The following PICALM variants were observed in gnomAD, a reference collection of about 807,000 sequenced individuals.
PICALM encodes the protein phosphatidylinositol binding clathrin assembly protein.
Under a neutral mutation model 80.5 loss-of-function variants are expected in PICALM, and 40 were observed. That is an observed-to-expected ratio of 0.50 (90% CI 0.39 to 0.65). PICALM has a LOEUF of 0.65. Ranked by LOEUF, PICALM falls within the 30% of genes least tolerant of loss-of-function variation. The pLI is 0.00. For missense variants in PICALM, 676 were observed against 778.9 expected, an observed-to-expected ratio of 0.87 and a Z score of 1.57; for synonymous variants, 288 against 260.3, an observed-to-expected ratio of 1.11 and a Z score of -1.02.
In PICALM at chr11:86,004,935, C is replaced by G. The variant is rs569621192; in HGVS notation, c.808-1484G>C. On this transcript the variant is annotated intron_variant, in intron 8 of 19. Transcript: ENST00000393346. ...AGCCCCAGCAAAAATGTTTGCTAAT[C>G]AGCAAGCAAAGCACTGTCTTAAGAG... Among the ~76,000 whole-genome samples the G allele has an allele frequency of 1.3e-4, 20 of 152,302 alleles. No individual in the cohort carries two copies. The East Asian group carries it at 3.5e-3, about 26-fold the overall frequency.
At chr11:86,065,580 G>A (rs922985014) in intron 1 of PICALM, among the ~76,000 whole-genome samples, 6 of 152,206 alleles carry the variant, frequency 3.9e-5, no homozygotes, top group African/African-American at 1.4e-4. Flanking sequence ...AGGATTAAAT[G>A]AGATGATGAG....
intron 18 of PICALM, among the ~76,000 whole-genome samples, chr11:85,975,592 CT>C (rs11407535): frequency 1.1e-4 from 10 of 89,630 alleles, no homozygotes; most frequent in African/African-American, 3.6e-4. Context: ...TCTCAGCAGA[CT>C]TTTTTTTTTT....
chr11:86,043,074 C>T (rs1430915274), intron 1 of PICALM, among the ~76,000 whole-genome samples: 1 of 152,072 alleles, frequency 6.6e-6, no homozygotes, highest in East Asian at 1.9e-4. Flanking sequence ...GATAGCACAC[C>T]CTTTCACTCT....
At chr11:86,000,538 G>T in intron 11 of PICALM, 105 bp downstream of exon 11, 1 of 822,040 alleles carries the variant, frequency 1.2e-6, no homozygotes, top group Non-Finnish European at 1.9e-6. Context: ...TGTGTGAATA[G>T]ATTATAAAAG....
intron 1 of PICALM, 105 bp from the exon 2 acceptor site, chr11:86,031,716 C>A: frequency 1.3e-6 from 1 of 768,734 alleles, no homozygotes; most frequent in South Asian, 1.9e-5. Context: ...CAAAGTGGAG[C>A]AGTAATAGTT....
chr11:86,011,012 C>A lies in PICALM; in HGVS notation c.765+18G>T. 6 of 1,087,876 alleles carry A rather than the reference C, an allele frequency of 5.5e-6. No homozygotes were observed. Among genetic ancestry groups the A allele is most frequent in the South Asian group, 1.3e-5 (1 of 74,252 alleles). 67.4% of individuals were successfully genotyped at this position (1,087,876 alleles called of 1,614,324 possible). On this transcript the variant is annotated intron_variant, in intron 7 of 19. Coordinates refer to ENST00000393346, the MANE Select transcript of PICALM (RefSeq NM_007166.4). The stretch of plus-strand genomic sequence containing the variant: ...ACAAAAAGGCAAGTTAGGAGACAGT[C>A]ACTTAAAGACAGTTTACCTCTGCAA...
chr11:85,990,657 T>C (rs2094740031), intron 12 of PICALM, among the ~76,000 whole-genome samples: 1 of 152,186 alleles, frequency 6.6e-6, no homozygotes, highest in East Asian at 1.9e-4. Flanking sequence ...AGTTAAAAAA[T>C]GGAATAATAA....
chr11:86,022,131 A>T (rs2095574961), intron 4 of PICALM, among the ~76,000 whole-genome samples: 1 of 152,190 alleles, frequency 6.6e-6, no homozygotes, highest in Admixed American at 6.5e-5. Flanking sequence ...AAACCAATGA[A>T]TTACACACTT....
chr11:86,059,940 A>G (rs1044200020), intron 1 of PICALM, among the ~76,000 whole-genome samples: 18 of 152,014 alleles, frequency 1.2e-4, no homozygotes, highest in African/African-American at 4.3e-4. Context: ...GGCCTTTGGG[A>G]AAAAAATTTA....
intron 5 of PICALM, among the ~76,000 whole-genome samples, chr11:86,012,688 T>C (rs182509521): frequency 1.3e-5 from 2 of 152,252 alleles, no homozygotes; most frequent in Non-Finnish European, 2.9e-5. Context: ...ATAAACCAAA[T>C]TAATTCTAAG....
At chr11:86,058,111 A>AT (rs1456624235) in intron 1 of PICALM, among the ~76,000 whole-genome samples, 1 of 152,130 alleles carries the variant, frequency 6.6e-6, no homozygotes, top group African/African-American at 2.4e-5. Context: ...CCCGCTATTT[A>AT]TTTTTTGCGA....
At chr11:85,995,910 C>T (rs959050526) in intron 12 of PICALM, among the ~76,000 whole-genome samples, 3 of 152,066 alleles carry the variant, frequency 2.0e-5, no homozygotes, top group African/African-American at 4.8e-5. Context: ...TAAAACTTAG[C>T]TAAATTAAAC....
At chr11:85,971,275 A>C (rs1338378588) in intron 19 of PICALM, among the ~76,000 whole-genome samples, 1 of 152,188 alleles carries the variant, frequency 6.6e-6, no homozygotes, top group Non-Finnish European at 1.5e-5. Flanking sequence ...CTAGAAACTT[A>C]TTACCCTAAT....
chr11:86,042,818 T>C (rs1004270912), intron 1 of PICALM, among the ~76,000 whole-genome samples: 1 of 152,186 alleles, frequency 6.6e-6, no homozygotes, highest in Admixed American at 6.5e-5. Flanking sequence ...AAAATTCTCC[T>C]TTCTTTCCAA....
intron 1 of PICALM, among the ~76,000 whole-genome samples, chr11:86,055,349 A>T (rs1001311117): frequency 9.2e-5 from 14 of 152,050 alleles, no homozygotes; most frequent in East Asian, 1.9e-4. Context: ...AAAAGATACC[A>T]TGGAAACATA....
chr11:86,010,153 G>T (rs992644147), intron 7 of PICALM, among the ~76,000 whole-genome samples: 1 of 152,026 alleles, frequency 6.6e-6, no homozygotes, highest in Non-Finnish European at 1.5e-5. Context: ...CCTTAAGAAC[G>T]CCTCTGTGGT....
chr11:85,979,157 G>C (rs17745040), intron 17 of PICALM, among the ~76,000 whole-genome samples: 4,077 of 152,252 alleles, frequency 0.027, 54 homozygotes, highest in African/African-American at 0.037. Context: ...GTATTTGTGT[G>C]TATAAAAATC....
chr11:85,959,475 A>G (rs1229129168), intron 19 of PICALM, among the ~76,000 whole-genome samples: 6 of 151,848 alleles, frequency 4.0e-5, no homozygotes, highest in African/African-American at 1.5e-4. Context: ...TCTACTAAAA[A>G]TACAAAAATT....
rs1386967770 is a variant in PICALM, at chr11:86,068,850, G to T, written c.-70C>A. On this transcript the variant is annotated 5_prime_UTR_variant, in exon 1 of 20. Transcript: ENST00000393346. ...GACTGGGACCCCCAAGAGCCGGAGG[G>T]TCCCCACCCCCCACCGCACCCCCTA... 1 of 1,498,498 alleles carries T rather than the reference G, an allele frequency of 6.7e-7. No homozygotes were observed. The highest frequency in any genetic ancestry group is 2.5e-5 in the East Asian group (1 of 40,284). 92.8% of individuals were successfully genotyped at this position (1,498,498 alleles called of 1,614,324 possible). A position where few individuals can be genotyped will look rare whatever the true frequency, so the allele number is the denominator to read the frequency against.
Sources: gnomAD v4.1 joint callset for allele counts (sites outside exome capture counted in the v4.1 genomes callset) on GRCh38, gnomAD v4.1.1 for gene constraint, MANE v1.5 for transcripts, NCBI Gene and HGNC (gene_info 2026-07-23, HGNC 2026-07-21) for gene names.